Variants in ERVK3-1 observed in about 807,000 individuals in gnomAD.
The protein encoded by ERVK3-1 is endogenous retrovirus group K3 member 1.
rs892077603 is a variant in ERVK3-1, at chr19:58,310,754, C to G, written c.-3-1412C>G. Reference sequence around the variant, plus strand: ...AGGCCTCCGGATAACTGTGGGCGAGCCTGACTAATGTCAGGCCCTCCACAA... The same window carrying G: ...AGGCCTCCGGATAACTGTGGGCGAGGCTGACTAATGTCAGGCCCTCCACAA... On this transcript the variant is annotated intron_variant, in intron 2 of 3. Coordinates refer to ENST00000413518, the Ensembl canonical transcript of ERVK3-1. The surrounding 1 kb of genome is among the most constrained non-coding windows in gnomAD (Gnocchi z 4.7). 1 of 243,774 alleles carries G rather than the reference C, an allele frequency of 4.1e-6. No individual in the cohort carries two copies. The highest frequency in any genetic ancestry group is 3.8e-5 in the South Asian group (1 of 26,238). 15.1% of individuals were successfully genotyped at this position (243,774 alleles called of 1,614,324 possible). A position where few individuals can be genotyped will look rare whatever the true frequency, so the allele number is the denominator to read the frequency against.
chr19:58,313,427 A>G lies in ERVK3-1; in HGVS notation c.294+965A>G, dbSNP rs2051569777. Reference sequence around the variant, plus strand: ...CAGCCTCCCGAGTAGCTGGGATTACAGGCACCCGCCACCGTGCCAGGCTAT... The same window carrying G: ...CAGCCTCCCGAGTAGCTGGGATTACGGGCACCCGCCACCGTGCCAGGCTAT... On this transcript the variant is annotated intron_variant, in intron 3 of 3. Coordinates refer to ENST00000413518, the Ensembl canonical transcript of ERVK3-1. The surrounding 1 kb of genome is among the most constrained non-coding windows in gnomAD (Gnocchi z 4.5). Among the ~76,000 whole-genome samples the G allele has an allele frequency of 6.6e-6, 1 of 152,204 alleles. No homozygotes were observed.
At chr19:58,307,204 C>A (rs959473748) in intron 2 of ERVK3-1, among the ~76,000 whole-genome samples, 48 of 152,240 alleles carry the variant, frequency 3.2e-4, no homozygotes, top group African/African-American at 9.9e-4. Context: ...TCAATAAAAT[C>A]TTTTCCGCAT....
rs763054436 is a variant in ERVK3-1, at chr19:58,312,634, C to T, written c.294+172C>T. On this transcript the variant is annotated intron_variant, in intron 3 of 3. Coordinates refer to ENST00000413518, the Ensembl canonical transcript of ERVK3-1. The surrounding 1 kb of genome is among the most constrained non-coding windows in gnomAD (Gnocchi z 4.7). The stretch of plus-strand genomic sequence containing the variant: ...CACAGAGCAATAGCATCAATTACAC[C>T]GGCCCATTGGAAGGACTCCCTTTAT... 3.1e-4 allele frequency among the ~76,000 whole-genome samples: 47 copies of T among 152,150 alleles called. No individual in the cohort carries two copies. The highest frequency in any genetic ancestry group is 4.6e-4 in the Admixed American group (7 of 15,268).
At chr19:58,311,576 AG>A (rs1239372071) in intron 2 of ERVK3-1, 1 of 152,224 alleles carries the variant, frequency 6.6e-6, no homozygotes, top group African/African-American at 2.4e-5. Context: ...GCAACCCACG[AG>A]GCTTGGCTCC....
chr19:58,315,334 C>G (rs1231381073), exon 4 of ERVK3-1: 2 of 152,240 alleles, frequency 1.3e-5, no homozygotes, highest in Non-Finnish European at 2.9e-5. Flanking sequence ...ATCCCTCATA[C>G]CCCTTATCAT....
exon 4 of ERVK3-1, chr19:58,314,951 CTCTG>C (rs2051581630): frequency 7.6e-6 from 3 of 392,198 alleles, no homozygotes; most frequent in Non-Finnish European, 1.4e-5. Context: ...AACTGACAAA[CTCTG>C]TCTGCCGCCA....
Position 58,307,383 on chromosome 19 carries a change from A to G in ERVK3-1, c.-4+1167A>G, listed in dbSNP as rs552416050. ...TGCATTAGCACCCGTGAGATGTACA[A>G]ACAGCTTGGGAAATTTTCTCAAAGC... On this transcript the variant is annotated intron_variant, in intron 2 of 3. Coordinates refer to ENST00000413518, the Ensembl canonical transcript of ERVK3-1. 2.0e-4 allele frequency among the ~76,000 whole-genome samples: 30 copies of G among 152,300 alleles called. 1 individual carries two copies. Among genetic ancestry groups the G allele is most frequent in the Non-Finnish European group, 2.9e-4 (20 of 68,016 alleles).
rs2051567641 is a variant in ERVK3-1, at chr19:58,313,108, C to T, written c.294+646C>T. The T allele has an allele frequency of 6.6e-6, 1 of 152,268 alleles. No individual in the cohort carries two copies. The highest frequency in any genetic ancestry group is 2.1e-4 in the South Asian group (1 of 4,822). 9.4% of individuals were successfully genotyped at this position (152,268 alleles called of 1,614,324 possible). ...CTTTAACCCGCCCTTACCTCAGTGA[C>T]GTCATCTAGGAAACAGAGGCCCAAT... On this transcript the variant is annotated intron_variant, in intron 3 of 3. Transcript: ENST00000413518. The surrounding 1 kb of genome is among the most constrained non-coding windows in gnomAD (Gnocchi z 4.5).
At chr19:58,315,579 T>G (rs1185786794) in exon 4 of ERVK3-1, 1 of 152,250 alleles carries the variant, frequency 6.6e-6, no homozygotes, top group Non-Finnish European at 1.5e-5. Flanking sequence ...CACAGTTTGT[T>G]TACTCATTAG....
At chr19:58,307,507 G>A (rs2051531031) in intron 2 of ERVK3-1, among the ~76,000 whole-genome samples, 1 of 152,068 alleles carries the variant, frequency 6.6e-6, no homozygotes, top group Non-Finnish European at 1.5e-5. Context: ...CAAGGGTTGA[G>A]CCCTAAAGTG....
At position 58,310,317 on chromosome 19, in the gene ERVK3-1, T is replaced by C. The variant is rs57760408; in HGVS notation, c.-3-1849T>C. On this transcript the variant is annotated intron_variant, in intron 2 of 3. Coordinates refer to ENST00000413518, the Ensembl canonical transcript of ERVK3-1. This position sits in a 1 kb window ranked among gnomAD's most constrained non-coding sequence, Gnocchi z 4.7. ...CCCTGTGTGCGGCGACGAGAGAGTG[T>C]AGAAATAAAGACACAAGACAAAGAG... is the stretch of plus-strand genomic sequence containing the variant. 0.12 allele frequency: 18,194 copies of C among 155,288 alleles called. 1,525 individuals are homozygous for C. The highest frequency in any genetic ancestry group is 0.22 in the African/African-American group (9,025 of 41,468). The allele number at this position is 155,288 out of a possible 1,614,324, so 9.6% of individuals were successfully genotyped here.
At position 58,310,879 on chromosome 19, in the gene ERVK3-1, A is replaced by G. The variant is rs146238156; in HGVS notation, c.-3-1287A>G. 5.9e-3 allele frequency: 2,397 copies of G among 405,294 alleles called. 59 individuals are homozygous for G. Among genetic ancestry groups the G allele is most frequent in the African/African-American group, 0.044 (2,154 of 48,430 alleles). 25.1% of individuals were successfully genotyped at this position (405,294 alleles called of 1,614,324 possible). On this transcript the variant is annotated intron_variant, in intron 2 of 3. Transcript: ENST00000413518. The surrounding 1 kb of genome is among the most constrained non-coding windows in gnomAD (Gnocchi z 4.7). Reference sequence around the variant, plus strand: ...TAAGTAGCGGGTGTTGTTCCTTGACACTTTTCGCTACCGCTAGACCACGGT... The same window carrying G: ...TAAGTAGCGGGTGTTGTTCCTTGACGCTTTTCGCTACCGCTAGACCACGGT...
exon 1 of ERVK3-1, chr19:58,305,420 G>C (rs1172270816): frequency 1.3e-5 from 2 of 152,462 alleles, no homozygotes; most frequent in African/African-American, 2.4e-5. Flanking sequence ...CGGGCGGCTA[G>C]GCTCTCTGAG....
chr19:58,309,184 A>G (rs1181485398), intron 2 of ERVK3-1: 1 of 152,224 alleles, frequency 6.6e-6, no homozygotes, highest in Non-Finnish European at 1.5e-5. Flanking sequence ...TAGGAAAAGC[A>G]TTGAAGGAGC....
At chr19:58,308,473 G>A (rs1436380958) in intron 2 of ERVK3-1, among the ~76,000 whole-genome samples, 3 of 152,200 alleles carry the variant, frequency 2.0e-5, no homozygotes, top group East Asian at 1.9e-4. Flanking sequence ...GCAAATATAC[G>A]TGTTAATCTC....
At chr19:58,316,549 T>C (rs2051593867), downstream of ERVK3-1, among the ~76,000 whole-genome samples, 1 of 152,184 alleles carries the variant, frequency 6.6e-6, no homozygotes, top group Non-Finnish European at 1.5e-5. Context: ...TGCATGCCTG[T>C]AATCCCAGCT....
At chr19:58,314,364 C>T (rs990111932) in intron 3 of ERVK3-1, among the ~76,000 whole-genome samples, 16 of 151,900 alleles carry the variant, frequency 1.1e-4, no homozygotes, top group African/African-American at 3.6e-4. Flanking sequence ...CGGTGGCTCA[C>T]GCCTATAATC....
chr19:58,314,626 CAAAAA>C (rs58275693), intron 3 of ERVK3-1, 117 bp from the exon 4 acceptor site: 716 of 58,840 alleles, frequency 0.012, 3 homozygotes, highest in Middle Eastern at 0.028. Flanking sequence ...GACTCCATCT[CAAAAA>C]AAAAAAAAAA....
At chr19:58,309,385 T>A (rs1347897573) in intron 2 of ERVK3-1, 1 of 152,190 alleles carries the variant, frequency 6.6e-6, no homozygotes, top group Non-Finnish European at 1.5e-5. Context: ...CTACTGTTAC[T>A]GAAAAAAGTA....
Sources: gnomAD v4.1 joint callset for allele counts (sites outside exome capture counted in the v4.1 genomes callset) on GRCh38, gnomAD v4.1.1 for gene constraint, Gnocchi (gnomAD v3.1) non-coding constraint, MANE v1.5 for transcripts, NCBI Gene and HGNC (gene_info 2026-07-23, HGNC 2026-07-21) for gene names.